The following ANO2 variants were observed in gnomAD, a reference collection of about 807,000 sequenced individuals.
The protein encoded by ANO2 is anoctamin-2.
In ANO2, 101 loss-of-function variants were observed where a neutral mutation model predicts 124.2. The ratio of observed to expected loss-of-function variants is 0.81; its 90% CI spans 0.69 to 0.96. The LOEUF (loss-of-function observed/expected upper bound fraction) is 0.96, where lower values mean the gene tolerates loss of function less well. Among genes scored for constraint, ANO2 ranks in the 40% least tolerant of loss-of-function variants. The pLI is 0.00. For synonymous variants in ANO2, 486 were observed against 482.5 expected (o/e 1.01, Z -0.09); for missense variants, 1,293 against 1,274.5 (o/e 1.01, Z -0.22).
At chr12:5,604,715 T>C (rs1213832691) in intron 19 of ANO2, among the ~76,000 whole-genome samples, 1 of 152,002 alleles carries the variant, frequency 6.6e-6, no homozygotes, top group Non-Finnish European at 1.5e-5. Flanking sequence ...TTCCCAGATT[T>C]CCTCCTGGAT....
chr12:5,565,613 G>A lies in ANO2; in HGVS notation c.2672C>T (p.Ser891Leu), dbSNP rs767967144. 7.5e-6 allele frequency: 12 copies of A among 1,605,924 alleles called. No individual in the cohort carries two copies. Among genetic ancestry groups the A allele is most frequent in the Admixed American group, 1.7e-5 (1 of 59,046 alleles). ...PPWAPNPYEF[S>L]KQYWFILSAR... Reference sequence around the variant, plus strand: ...GGACAGAATAAACCAGTACTGTTTCGAAAACTCATAAGGGTTCGGGGCCCA... The same window carrying A: ...GGACAGAATAAACCAGTACTGTTTCAAAAACTCATAAGGGTTCGGGGCCCA... Residue 891 changes from serine (S) to leucine (L), a missense_variant, in exon 24 of 25, where the codon TCG becomes TTG. Physicochemically the swap from Ser to Leu is moderately radical, Grantham distance 145 (BLOSUM62 -2). Transcript: ENST00000682330.
intron 23 of ANO2, among the ~76,000 whole-genome samples, chr12:5,574,547 G>GC (rs1401896985): frequency 6.6e-6 from 1 of 152,056 alleles, no homozygotes. Flanking sequence ...TTCAGTCCAA[G>GC]TTTTGGAGAT....
intron 16 of ANO2, among the ~76,000 whole-genome samples, chr12:5,628,894 T>C (rs139679377): frequency 6.6e-6 from 1 of 152,312 alleles, no homozygotes; most frequent in Non-Finnish European, 1.5e-5. Context: ...ACTGTCATAA[T>C]GTGGGGCAAA....
At chr12:5,921,458 C>T (rs767563276) in intron 2 of ANO2, 92 bp from the exon 3 acceptor site, 260 of 1,312,110 alleles carry the variant, frequency 2.0e-4, no homozygotes, top group Non-Finnish European at 2.5e-4. Flanking sequence ...CTCAGGGAAA[C>T]GGACTCAGAA....
chr12:5,740,801 C>G (rs966286515), intron 12 of ANO2: 1 of 152,164 alleles, frequency 6.6e-6, no homozygotes, highest in South Asian at 2.1e-4. Context: ...CTATGTATGT[C>G]GAGCCCGAAC....
chr12:5,816,044 G>GT (rs1953598471), intron 7 of ANO2, among the ~76,000 whole-genome samples: 1 of 151,980 alleles, frequency 6.6e-6, no homozygotes, highest in Non-Finnish European at 1.5e-5. Flanking sequence ...AGCTTTGTAA[G>GT]TTGGTTGCAA....
intron 7 of ANO2, among the ~76,000 whole-genome samples, chr12:5,809,386 G>GCC (rs1241315646): frequency 6.6e-6 from 1 of 152,068 alleles, no homozygotes; most frequent in Non-Finnish European, 1.5e-5. Context: ...GGCGGGTAAG[G>GCC]CCCCAGCTAG....
At chr12:5,922,349 G>C (rs536396823) in intron 2 of ANO2, among the ~76,000 whole-genome samples, 5 of 152,206 alleles carry the variant, frequency 3.3e-5, no homozygotes, top group Admixed American at 3.3e-4. Context: ...AGGCTTGCAG[G>C]AGGGGAACCA....
chr12:5,888,855 C>A (rs2136269750), intron 3 of ANO2, among the ~76,000 whole-genome samples: 1 of 152,382 alleles, frequency 6.6e-6, no homozygotes, highest in East Asian at 1.9e-4. Flanking sequence ...CACACTGGGG[C>A]CGCAGGTGGA....
chr12:5,575,300 G>C (rs1157107104), intron 23 of ANO2, among the ~76,000 whole-genome samples: 1 of 152,184 alleles, frequency 6.6e-6, no homozygotes, highest in South Asian at 2.1e-4. Flanking sequence ...CTGCTCCATA[G>C]TGTCTAGAAA....
At chr12:5,941,895 C>T (rs1942908482) in intron 1 of ANO2, among the ~76,000 whole-genome samples, 4 of 152,138 alleles carry the variant, frequency 2.6e-5, no homozygotes, top group African/African-American at 7.2e-5. Context: ...GCTATCAAAC[C>T]ATTCATCTAT....
chr12:5,877,532 A>T (rs1938191908), intron 3 of ANO2, among the ~76,000 whole-genome samples: 1 of 152,238 alleles, frequency 6.6e-6, no homozygotes, highest in Non-Finnish European at 1.5e-5. Context: ...TGAGGGGCCC[A>T]GGCTGGGCTC....
chr12:5,871,789 C>T (rs1211462601), intron 3 of ANO2, among the ~76,000 whole-genome samples: 4 of 152,148 alleles, frequency 2.6e-5, no homozygotes, highest in Non-Finnish European at 1.5e-5. Flanking sequence ...CCAATGGATA[C>T]AAACTCTGCT....
chr12:5,578,164 C>A (rs972489984), intron 21 of ANO2, among the ~76,000 whole-genome samples, 157 bp from the exon 22 acceptor site: 6 of 152,220 alleles, frequency 3.9e-5, no homozygotes, highest in Non-Finnish European at 5.9e-5. Flanking sequence ...GTAGCCCCCC[C>A]ATCTGGAAGC....
chr12:5,884,186 G>C (rs1042248276), intron 3 of ANO2, among the ~76,000 whole-genome samples: 3 of 152,184 alleles, frequency 2.0e-5, no homozygotes, highest in Admixed American at 2.0e-4. Flanking sequence ...GGCAATACCA[G>C]ATAACAGCCA....
intron 10 of ANO2, among the ~76,000 whole-genome samples, chr12:5,794,753 C>T (rs1405662763): frequency 6.6e-6 from 1 of 152,188 alleles, no homozygotes; most frequent in African/African-American, 2.4e-5. Flanking sequence ...GTTGTTGTGC[C>T]TCCCCATACT....
At chr12:5,809,066 C>T (rs1256144105) in intron 7 of ANO2, among the ~76,000 whole-genome samples, 1 of 152,194 alleles carries the variant, frequency 6.6e-6, no homozygotes, top group East Asian at 1.9e-4. Context: ...TAAGTTTCTT[C>T]CTTGGCATGC....
At position 5,829,234 on chromosome 12, in the gene ANO2, C is replaced by T. The variant is rs542858057; in HGVS notation, c.840+1201G>A. On this transcript the variant is annotated intron_variant, in intron 6 of 24. Coordinates refer to ENST00000682330, the MANE Select transcript of ANO2 (RefSeq NM_001364791.2). Reference sequence around the variant, plus strand: ...TATTTTACGAGTACTTTGCAATTATCGAGTAATCTCCACAACACCTTATAA... The same window carrying T: ...TATTTTACGAGTACTTTGCAATTATTGAGTAATCTCCACAACACCTTATAA... Among the ~76,000 whole-genome samples, 3 of 152,130 alleles carry T rather than the reference C, an allele frequency of 2.0e-5. 1 individual carries two copies. Among genetic ancestry groups the T allele is most frequent in the Non-Finnish European group, 4.4e-5 (3 of 68,032 alleles).
intron 3 of ANO2, among the ~76,000 whole-genome samples, chr12:5,913,964 C>T (rs565535232): frequency 1.9e-4 from 29 of 152,212 alleles, no homozygotes; most frequent in South Asian, 1.0e-3. Flanking sequence ...GCCTTTGGGA[C>T]GCCGAGACAG....
Sources: gnomAD v4.1 joint callset for allele counts (sites outside exome capture counted in the v4.1 genomes callset) on GRCh38, gnomAD v4.1.1 for gene constraint, MANE v1.5 for transcripts, NCBI Gene and HGNC (gene_info 2026-07-23, HGNC 2026-07-21) for gene names.